Variants in SCFD2 observed in about 807,000 individuals in gnomAD.
SCFD2 encodes sec1 family domain-containing protein 2.
SCFD2 carries 54 observed loss-of-function variants against 58.9 expected under a neutral mutation model. The observed-to-expected ratio is 0.92, with a 90% confidence interval of 0.74 to 1.15. SCFD2 has a LOEUF of 1.15. Among genes scored for constraint, SCFD2 ranks in the 50% most tolerant of loss-of-function variants. The pLI is 0.00. For missense variants in SCFD2, 805 were observed against 836.6 expected, an observed-to-expected ratio of 0.96 and a Z score of 0.47; for synonymous variants, 321 against 335.9, an observed-to-expected ratio of 0.96 and a Z score of 0.49.
chr4:53,315,161 T>C (rs1040827661), intron 2 of SCFD2, among the ~76,000 whole-genome samples: 3 of 147,770 alleles, frequency 2.0e-5, no homozygotes, highest in Non-Finnish European at 4.4e-5. Context: ...TGATTTCTAC[T>C]GGAAATGATG....
intron 5 of SCFD2, among the ~76,000 whole-genome samples, chr4:53,017,373 T>G (rs1480603380): frequency 6.6e-6 from 1 of 152,178 alleles, no homozygotes; most frequent in East Asian, 1.9e-4. Context: ...AAACTTACTG[T>G]GTGAAATAGT....
chr4:53,065,574 ATAT>A (rs1163046096), intron 5 of SCFD2, among the ~76,000 whole-genome samples: 2 of 152,088 alleles, frequency 1.3e-5, no homozygotes, highest in Non-Finnish European at 2.9e-5. Flanking sequence ...TTCTGTTTTA[ATAT>A]TAATAATATC....
In SCFD2 at chr4:53,365,899, C is replaced by T; in HGVS notation, c.43G>A (p.Glu15Lys). ...GVLSFTQQGW[E>K]QVLAKVKRAV... ...CGTTTCACTTTGGCCAGCACCTGCT[C>T]CCATCCTTGCTGGGTAAAGGACAGT... The change falls in exon 1 of 9, where the codon GAG becomes AAG. Residue 15 changes from glutamate (E) to lysine (K), a missense_variant. By Grantham distance (56) the Glu-to-Lys change is moderately conservative. Around this residue, in one of 3 missense-constraint regions of SCFD2, gnomAD observed 155 missense variants for 149.7 expected, o/e 1.04. Coordinates refer to ENST00000401642, the MANE Select transcript of SCFD2 (RefSeq NM_152540.4). The surrounding 1 kb of genome is among the most constrained non-coding windows in gnomAD (Gnocchi z 4.3). 1 of 1,594,510 alleles carries T rather than the reference C, an allele frequency of 6.3e-7. No homozygotes were observed. The highest frequency in any genetic ancestry group is 1.3e-5 in the African/African-American group (1 of 74,828).
At chr4:53,285,011 C>T (rs554054949) in intron 3 of SCFD2, among the ~76,000 whole-genome samples, 2 of 152,286 alleles carry the variant, frequency 1.3e-5, no homozygotes, top group South Asian at 2.1e-4. Flanking sequence ...GTGAAAAGAG[C>T]ACTTTAATTA....
intron 5 of SCFD2, among the ~76,000 whole-genome samples, chr4:53,021,847 A>G (rs1323704577): frequency 6.6e-6 from 1 of 152,176 alleles, no homozygotes; most frequent in Admixed American, 6.6e-5. Flanking sequence ...GTTCTTCTGT[A>G]GCATCCCTAA....
rs940050096 is a variant in SCFD2, at chr4:53,085,755, G to A, written c.1561+59578C>T. The stretch of plus-strand genomic sequence containing the variant: ...ATACACCTACAGTGAACTCATTTTT[G>A]ACAAAGGTGCCAAAAATATACATTG... On this transcript the variant is annotated intron_variant, in intron 5 of 8. Transcript: ENST00000401642. Among the ~76,000 whole-genome samples the A allele has an allele frequency of 2.6e-5, 4 of 152,180 alleles. No individual in the cohort carries two copies. The East Asian group carries it at 7.7e-4, about 29-fold the overall frequency.
At chr4:53,252,855 A>C (rs1005402285) in intron 4 of SCFD2, among the ~76,000 whole-genome samples, 40 of 152,302 alleles carry the variant, frequency 2.6e-4, no homozygotes, top group Middle Eastern at 3.4e-3. Context: ...AAAACACCAA[A>C]AGCAATGGCA....
rs373389061 is a variant in SCFD2, at chr4:52,873,986, G to T, written c.2038C>A (p.Pro680Thr). 9.9e-6 allele frequency: 16 copies of T among 1,613,666 alleles called. No homozygotes were observed. Among genetic ancestry groups the T allele is most frequent in the Non-Finnish European group, 1.3e-5 (15 of 1,179,768 alleles). ...ELLFATDRLH[P>T]DLGF ...GCGGATGCTCAGAAGCCAAGGTCTG[G>T]ATGCAGTCGGTCAGTTGCAAATAAC... is the stretch of plus-strand genomic sequence containing the variant. The change falls in exon 9 of 9, where the codon CCA becomes ACA. Residue 680 changes from proline (P) to threonine (T), a missense_variant. Pro to Thr is a conservative substitution (Grantham distance 38). Around this residue, in one of 3 missense-constraint regions of SCFD2, gnomAD observed 633 missense variants for 646.8 expected, o/e 0.98. Coordinates refer to ENST00000401642, the MANE Select transcript of SCFD2 (RefSeq NM_152540.4).
chr4:53,229,249 A>T lies in SCFD2; in HGVS notation c.1311+44577T>A, dbSNP rs367697518. Among the ~76,000 whole-genome samples the T allele has an allele frequency of 1.7e-4, 26 of 152,234 alleles. 1 individual carries two copies. In the South Asian group the frequency reaches 1.9e-3, roughly 11 times the overall value. On this transcript the variant is annotated intron_variant, in intron 4 of 8. Coordinates refer to ENST00000401642, the MANE Select transcript of SCFD2 (RefSeq NM_152540.4). ...CCCATCAAGCTACCAATGACTTTCTACACAGAATTGGAAAAAACTACTTTA... is the reference window on the plus strand; with the variant it reads ...CCCATCAAGCTACCAATGACTTTCTTCACAGAATTGGAAAAAACTACTTTA...
At chr4:53,342,420 T>C (rs1328290524) in intron 2 of SCFD2, among the ~76,000 whole-genome samples, 1 of 152,182 alleles carries the variant, frequency 6.6e-6, no homozygotes, top group Non-Finnish European at 1.5e-5. Flanking sequence ...ATCCTAAATA[T>C]ATATGCACCC....
chr4:53,160,707 G>C (rs1252172744), intron 4 of SCFD2, among the ~76,000 whole-genome samples: 1 of 152,158 alleles, frequency 6.6e-6, no homozygotes, highest in African/African-American at 2.4e-5. Context: ...TGAGAGGCAG[G>C]AAAGGTAGAA....
chr4:53,338,804 T>A (rs1350994769), intron 2 of SCFD2, among the ~76,000 whole-genome samples: 1 of 151,642 alleles, frequency 6.6e-6, no homozygotes. Flanking sequence ...ATGGTCTTGA[T>A]CTCCTGACCT....
At chr4:53,031,435 A>T (rs2148818841) in intron 5 of SCFD2, among the ~76,000 whole-genome samples, 1 of 152,324 alleles carries the variant, frequency 6.6e-6, no homozygotes, top group East Asian at 1.9e-4. Flanking sequence ...AAGTTTGACA[A>T]ACTGACAGAA....
rs557197699 is a variant in SCFD2, at chr4:52,880,811, G to A, written c.1962+4936C>T. On this transcript the variant is annotated intron_variant, in intron 8 of 8. Transcript: ENST00000401642. ...GTATTTCCTCAGAGATTCCCTCCCT[G>A]TTATTTTCTTCTTACAATCACAGGC... is the stretch of plus-strand genomic sequence containing the variant. Among the ~76,000 whole-genome samples, 3 of 152,264 alleles carry A rather than the reference G, an allele frequency of 2.0e-5. No individual in the cohort carries two copies. The South Asian group carries it at 6.2e-4, about 32-fold the overall frequency.
chr4:53,184,457 C>T (rs1417185885), intron 4 of SCFD2, among the ~76,000 whole-genome samples: 1 of 152,132 alleles, frequency 6.6e-6, no homozygotes, highest in Non-Finnish European at 1.5e-5. Context: ...ATAGTATAGA[C>T]AGCAGAACAA....
chr4:52,892,103 G>T (rs1026083241), intron 7 of SCFD2, among the ~76,000 whole-genome samples: 1 of 152,212 alleles, frequency 6.6e-6, no homozygotes, highest in Admixed American at 6.5e-5. Context: ...AATTCAACAA[G>T]TCTGAAGTGC....
At chr4:53,015,110 T>G (rs1020906758) in intron 5 of SCFD2, among the ~76,000 whole-genome samples, 5 of 152,222 alleles carry the variant, frequency 3.3e-5, no homozygotes, top group Non-Finnish European at 7.3e-5. Flanking sequence ...AATGACCAGC[T>G]GTATTACAGG....
intron 3 of SCFD2, among the ~76,000 whole-genome samples, chr4:53,275,181 T>G (rs540962075): frequency 6.6e-6 from 1 of 152,330 alleles, no homozygotes; most frequent in South Asian, 2.1e-4. Context: ...TACCCAGTGC[T>G]AAATGGCAGA....
rs576740666 is a variant in SCFD2, at chr4:53,331,137, A to G, written c.1008-17374T>C. On this transcript the variant is annotated intron_variant, in intron 2 of 8. Transcript: ENST00000401642. ...TACAAAGAGACTTAGACTCCCACAC[A>G]TTAATAATGGGAGACTGTAACACCC... 2.6e-5 allele frequency among the ~76,000 whole-genome samples: 4 copies of G among 152,044 alleles called. No homozygotes were observed. In the South Asian group the frequency reaches 8.4e-4, roughly 32 times the overall value.
Sources: allele counts gnomAD v4.1 joint callset (sites outside exome capture counted in the v4.1 genomes callset), GRCh38; gene constraint gnomAD v4.1.1; regional missense constraint gnomAD v4.1.1; non-coding constraint Gnocchi (gnomAD v3.1); transcripts MANE v1.5; gene names NCBI Gene and HGNC (gene_info 2026-07-23, HGNC 2026-07-21).